SLC7A2: variants seen among roughly 807,000 people sequenced by gnomAD.
SLC7A2 encodes cationic amino acid transporter 2.
A neutral mutation model predicts 58.9 loss-of-function variants in SLC7A2; 48 were observed. That is an observed-to-expected ratio of 0.82 (90% CI 0.65 to 1.04). The LOEUF is 1.04. SLC7A2 is among the 50% of genes least tolerant of loss of function. The pLI, the probability that SLC7A2 is intolerant of heterozygous loss-of-function variation, is 0.00. For synonymous variants in SLC7A2, 363 were observed against 314.5 expected (o/e 1.15, Z -1.63); for missense variants, 1,029 against 818.8 (o/e 1.26, Z -3.13).
chr8:17,506,432 G>A (rs17588888), intron 2 of SLC7A2, among the ~76,000 whole-genome samples: 10,770 of 152,260 alleles, frequency 0.071, 540 homozygotes, highest in Non-Finnish European at 0.1. Flanking sequence ...ATTTTAAAGC[G>A]TAAACTTCAC....
At chr8:17,509,705 A>G (rs1800523816) in intron 2 of SLC7A2, among the ~76,000 whole-genome samples, 1 of 152,166 alleles carries the variant, frequency 6.6e-6, no homozygotes, top group South Asian at 2.1e-4. Flanking sequence ...ATGCAGAACA[A>G]TGTTTTATGG....
rs1194932163 is a variant in SLC7A2 at position 17,550,327 on chromosome 8, G to A, written c.725G>A (p.Ser242Asn). 5 of 1,614,100 alleles carry A rather than the reference G, an allele frequency of 3.1e-6. No individual in the cohort carries two copies. Among genetic ancestry groups the A allele is most frequent in the Non-Finnish European group, 4.2e-6 (5 of 1,179,978 alleles). ...GAGCCACCTTCTGAAAACGGAACAA[G>A]TATCTATGGGGCTGGTGGCTTTATG... is the stretch of plus-strand genomic sequence containing the variant. ...AREPPSENGT[S>N]IYGAGGFMPY... The change falls in exon 6 of 13, where the codon AGT becomes AAT. Residue 242 changes from serine (S) to asparagine (N), a missense_variant. By Grantham distance (46) the Ser-to-Asn change is conservative (BLOSUM62 1). Transcript: ENST00000494857.
intron 2 of SLC7A2, 105 bp from the exon 3 acceptor site, chr8:17,543,213 C>T: frequency 1.1e-6 from 1 of 937,530 alleles, no homozygotes; most frequent in Non-Finnish European, 1.6e-6. Context: ...CACACACACA[C>T]ACAAACACAC....
Position 17,548,707 on chromosome 8 carries a change from G to A in SLC7A2, c.562G>A (p.Ala188Thr). Residue 188 changes from alanine to threonine, a missense_variant, in exon 5 of 13, where the codon GCT becomes ACT. By Grantham distance (58) the Ala-to-Thr change is moderately conservative (BLOSUM62 0). Transcript: ENST00000494857. ...TTTGTCTTTTGGAGTAAAAGAGTCT[G>A]CTTGGGTGAATAAAGTCTTCACAGC... ...GLLSFGVKES[A>T]WVNKVFTAVN... The A allele has an allele frequency of 6.2e-7, 1 of 1,612,502 alleles. No homozygotes were observed. The highest frequency in any genetic ancestry group is 2.2e-5 in the East Asian group (1 of 44,830).
Position 17,569,298 on chromosome 8 carries a change from T to G in SLC7A2, c.*4152T>G, listed in dbSNP as rs1388001582. On this transcript the variant is annotated 3_prime_UTR_variant, in exon 13 of 13. Coordinates refer to ENST00000494857, the MANE Select transcript of SLC7A2 (RefSeq NM_001370338.1). ...GGGCTTTAAAGGATTGAGTTTAGCATGTATATCATGCGTTATTAAAGTTCA... is the reference window on the plus strand; with the variant it reads ...GGGCTTTAAAGGATTGAGTTTAGCAGGTATATCATGCGTTATTAAAGTTCA... 6.6e-6 allele frequency: 1 copy of G among 152,178 alleles called. No homozygotes were observed. Among genetic ancestry groups the G allele is most frequent in the Non-Finnish European group, 1.5e-5 (1 of 68,034 alleles). 9.4% of individuals were successfully genotyped at this position (152,178 alleles called of 1,614,324 possible).
intron 2 of SLC7A2, among the ~76,000 whole-genome samples, chr8:17,512,079 T>C (rs1563437973): frequency 6.6e-6 from 1 of 152,246 alleles, no homozygotes; most frequent in Admixed American, 6.5e-5. Context: ...AACTTCTCTT[T>C]GTACTTAGGT....
chr8:17,551,375 G>T (rs1175490417), intron 6 of SLC7A2, among the ~76,000 whole-genome samples: 1 of 152,176 alleles, frequency 6.6e-6, no homozygotes, highest in Non-Finnish European at 1.5e-5. Flanking sequence ...GAGGAGGGTG[G>T]ATCACTTGAG....
At chr8:17,528,797 T>C (rs982418243) in intron 2 of SLC7A2, among the ~76,000 whole-genome samples, 5 of 152,188 alleles carry the variant, frequency 3.3e-5, no homozygotes, top group African/African-American at 1.2e-4. Context: ...AAGACTTTTC[T>C]TTATTTGTTC....
In SLC7A2 at chr8:17,551,969, C is replaced by T. The variant is rs1802476195; in HGVS notation, c.1038C>T (p.Leu346=). The change falls in exon 7 of 13, where the codon CTC becomes CTT. Residue 346 remains leucine (L), a synonymous_variant. Transcript: ENST00000494857. The part of the protein sequence containing the change: ...PAKYVVAAGS[L]CALSTSLLGS... ...AATATGTCGTCGCAGCTGGTTCTCT[C>T]TGCGCCTTGTCAACAAGGTACATTG... is the stretch of plus-strand genomic sequence containing the variant. The T allele has an allele frequency of 6.2e-7, 1 of 1,614,088 alleles. No individual in the cohort carries two copies. Among genetic ancestry groups the T allele is most frequent in the Admixed American group, 1.7e-5 (1 of 60,020 alleles).
At chr8:17,506,221 G>A (rs887635930) in intron 2 of SLC7A2, among the ~76,000 whole-genome samples, 5 of 152,308 alleles carry the variant, frequency 3.3e-5, no homozygotes, top group African/African-American at 7.2e-5. Context: ...AAAATTTGTA[G>A]TACTAGAGCT....
intron 2 of SLC7A2, among the ~76,000 whole-genome samples, chr8:17,508,523 AG>A: frequency 6.6e-6 from 1 of 152,292 alleles, no homozygotes; most frequent in South Asian, 2.1e-4. Context: ...CAGGAGTTCA[AG>A]ACCAGCCTGG....
rs1006478673 is a variant in SLC7A2 at position 17,567,051 on chromosome 8, A to G, written c.*1905A>G. ...TCTGGCTGCTAGCGTTATAGCATCC[A>G]TGACACAGAACTCATTACGGACATT... On this transcript the variant is annotated 3_prime_UTR_variant, in exon 13 of 13. Coordinates refer to ENST00000494857, the MANE Select transcript of SLC7A2 (RefSeq NM_001370338.1). 2.6e-5 allele frequency: 4 copies of G among 152,650 alleles called. No individual in the cohort carries two copies. Among genetic ancestry groups the G allele is most frequent in the Non-Finnish European group, 5.9e-5 (4 of 68,026 alleles). 9.5% of individuals were successfully genotyped at this position (152,650 alleles called of 1,614,324 possible).
At chr8:17,502,649 G>A (rs1409346275) in intron 2 of SLC7A2, among the ~76,000 whole-genome samples, 8 of 152,062 alleles carry the variant, frequency 5.3e-5, no homozygotes, top group Non-Finnish European at 8.8e-5. Flanking sequence ...ATTCCTGAGA[G>A]GTTGGGTGGA....
At chr8:17,496,403 T>A (rs559412083), upstream of SLC7A2, among the ~76,000 whole-genome samples, 1 of 152,340 alleles carries the variant, frequency 6.6e-6, no homozygotes, top group East Asian at 1.9e-4. Flanking sequence ...TGCTTCGTTT[T>A]GGATGAAAAT....
At chr8:17,554,785 C>CTT (rs869145448) in intron 8 of SLC7A2, 86 bp downstream of exon 8, 1 of 1,408,230 alleles carries the variant, frequency 7.1e-7, no homozygotes, top group East Asian at 2.8e-5. Flanking sequence ...AGGTGGTTTT[C>CTT]TTTTTTGATT....
rs1394599516 is a variant in SLC7A2 at position 17,551,962 on chromosome 8, G to A, written c.1031G>A (p.Gly344Asp). ...WGPAKYVVAA[G>D]SLCALSTSLL... ...CCTGCCAAATATGTCGTCGCAGCTG[G>A]TTCTCTCTGCGCCTTGTCAACAAGG... The change falls in exon 7 of 13, where the codon GGT becomes GAT. Residue 344 changes from glycine (G) to aspartate (D), a missense_variant. By Grantham distance (94) the Gly-to-Asp change is moderately conservative. Coordinates refer to ENST00000494857, the MANE Select transcript of SLC7A2 (RefSeq NM_001370338.1). The A allele has an allele frequency of 1.2e-6, 2 of 1,613,952 alleles. No homozygotes were observed. The highest frequency in any genetic ancestry group is 1.7e-6 in the Non-Finnish European group (2 of 1,180,018).
At chr8:17,538,287 G>A (rs946578851) in intron 2 of SLC7A2, among the ~76,000 whole-genome samples, 2 of 152,142 alleles carry the variant, frequency 1.3e-5, no homozygotes, top group African/African-American at 4.8e-5. Flanking sequence ...ACACTTGCAC[G>A]AACTTCTCTG....
chr8:17,518,204 T>C (rs1021340354), intron 2 of SLC7A2, among the ~76,000 whole-genome samples: 7 of 148,820 alleles, frequency 4.7e-5, no homozygotes, highest in African/African-American at 1.8e-4. Context: ...TATTTATTCA[T>C]TTTTCTTTTC....
At chr8:17,505,628 T>A (rs1800334333) in intron 2 of SLC7A2, among the ~76,000 whole-genome samples, 1 of 152,216 alleles carries the variant, frequency 6.6e-6, no homozygotes, top group Non-Finnish European at 1.5e-5. Context: ...ACTTGAGTTT[T>A]GGCTGAGATA....
Sources: allele counts gnomAD v4.1 joint callset (sites outside exome capture counted in the v4.1 genomes callset), GRCh38; gene constraint gnomAD v4.1.1; transcripts MANE v1.5; gene names NCBI Gene and HGNC (gene_info 2026-07-23, HGNC 2026-07-21).